Variants in AMY2B observed in about 807,000 individuals in gnomAD.
AMY2B encodes the protein amylase alpha 2B, also known as alpha-amylase 2B.
AMY2B carries 63 observed loss-of-function variants against 59.3 expected under a neutral mutation model. The observed-to-expected ratio is 1.06, with a 90% CI of 0.87 to 1.31. The LOEUF (loss-of-function observed/expected upper bound fraction) is 1.31. Ranked by LOEUF, AMY2B falls within the 50% of genes most tolerant of loss-of-function variation. The pLI, the probability that AMY2B is intolerant of heterozygous loss-of-function variation, is 0.00. For synonymous variants in AMY2B, 180 were observed against 198.1 expected, an observed-to-expected ratio of 0.91 and a Z score of 0.77; for missense variants, 635 against 626.7, an observed-to-expected ratio of 1.01 and a Z score of -0.14.
At chr1:103,559,391 C>T (rs1651661846) in intron 1 of AMY2B, among the ~76,000 whole-genome samples, 1 of 152,120 alleles carries the variant, frequency 6.6e-6, no homozygotes, top group African/African-American at 2.4e-5. Flanking sequence ...ATGACATTTG[C>T]ACAGTGGCTT....
chr1:103,573,004 A>G lies in AMY2B; in HGVS notation c.316-59A>G. On this transcript the variant is annotated intron_variant, in intron 2 of 9. Transcript: ENST00000684275. Reference sequence around the variant, plus strand: ...TAACATACTATAAACTTGAATCAATAATGCTTTAAATTTCTGCCTCTCTGT... The same window carrying G: ...TAACATACTATAAACTTGAATCAATGATGCTTTAAATTTCTGCCTCTCTGT... 1.9e-6 allele frequency: 3 copies of G among 1,611,382 alleles called. No homozygotes were observed. In the South Asian group the frequency reaches 3.3e-5, roughly 18 times the overall value.
upstream of AMY2B, chr1:103,571,519 C>A (rs1284360369): frequency 6.3e-7 from 1 of 1,579,866 alleles, no homozygotes; most frequent in Non-Finnish European, 8.6e-7. Flanking sequence ...AGTATTTATT[C>A]ATGCTAATAT....
chr1:103,571,444 T>G, upstream of AMY2B: 2 of 1,440,084 alleles, frequency 1.4e-6, no homozygotes, highest in South Asian at 2.8e-5. Flanking sequence ...CTTTTTAATG[T>G]TCTTCTCCTG....
chr1:103,570,443 G>C, upstream of AMY2B: 1 of 816,670 alleles, frequency 1.2e-6, no homozygotes, highest in Non-Finnish European at 2.1e-6. Context: ...CCAACACGGT[G>C]CTATCTGGTG....
At chr1:103,567,704 A>G (rs1651957466), upstream of AMY2B, among the ~76,000 whole-genome samples, 1 of 152,112 alleles carries the variant, frequency 6.6e-6, no homozygotes, top group South Asian at 2.1e-4. Context: ...TCAGTTCCCC[A>G]TGTCACAGCC....
At chr1:103,568,335 A>G (rs535093899), upstream of AMY2B, 1 of 152,270 alleles carries the variant, frequency 6.6e-6, no homozygotes, top group Admixed American at 6.5e-5. Context: ...AAATTACACA[A>G]ATTTATTTAT....
chr1:103,563,004 G>T (rs1422808341), intron 1 of AMY2B, among the ~76,000 whole-genome samples: 1 of 151,936 alleles, frequency 6.6e-6, no homozygotes, highest in Non-Finnish European at 1.5e-5. Context: ...TTATATTATG[G>T]ATGTCAAAAT....
At position 103,574,381 on chromosome 1, in the gene AMY2B, T is replaced by C. The variant is rs1652261924; in HGVS notation, c.866T>C (p.Met289Thr). ...TVIRKWNGEK[M>T]SYLKNWGEGW... Reference sequence around the variant, plus strand: ...ATTCGCAAGTGGAATGGAGAGAAGATGTCTTACCTAAAGTAAATAAATACA... The same window carrying C: ...ATTCGCAAGTGGAATGGAGAGAAGACGTCTTACCTAAAGTAAATAAATACA... The change falls in exon 5 of 10, where the codon ATG (methionine) becomes ACG (threonine). Residue 289 changes from methionine (M) to threonine (T), a missense_variant. Transcript: ENST00000684275. 6.2e-7 allele frequency: 1 copy of C among 1,611,604 alleles called. No individual in the cohort carries two copies. The highest frequency in any genetic ancestry group is 8.5e-7 in the Non-Finnish European group (1 of 1,179,664).
At chr1:103,578,572 C>T (rs1009836441) in intron 9 of AMY2B, among the ~76,000 whole-genome samples, 3 of 152,108 alleles carry the variant, frequency 2.0e-5, no homozygotes, top group African/African-American at 7.2e-5. Context: ...AATTATATTT[C>T]ACTGATGAAA....
chr1:103,572,106 G>A lies in AMY2B; in HGVS notation c.169-4G>A. The stretch of plus-strand genomic sequence containing the variant: ...GGTAGTTATGAAGACTGTTTAATTT[G>A]TAGGTCTCTCCACCAAATGAAAATG... On this transcript the variant is annotated splice_polypyrimidine_tract_variant and splice_region_variant and intron_variant, in intron 1 of 9. Transcript: ENST00000684275. 1.2e-6 allele frequency: 2 copies of A among 1,611,568 alleles called. No homozygotes were observed. The highest frequency in any genetic ancestry group is 1.7e-5 in the Admixed American group (1 of 59,998).
At chr1:103,571,959 C>A in intron 1 of AMY2B, 151 bp from the exon 2 acceptor site, 1 of 1,532,790 alleles carries the variant, frequency 6.5e-7, no homozygotes, top group Non-Finnish European at 8.8e-7. Context: ...AATCTTTCTT[C>A]AACAAGAGCC....
intron 1 of AMY2B, among the ~76,000 whole-genome samples, chr1:103,558,762 GA>G (rs781030633): frequency 0.06 from 4,411 of 74,092 alleles, 63 homozygotes; most frequent in Middle Eastern, 0.1. Context: ...GACCCCAACT[GA>G]AAAAAAAAAA....
chr1:103,563,739 G>T (rs1193656522), intron 1 of AMY2B, among the ~76,000 whole-genome samples: 1 of 151,938 alleles, frequency 6.6e-6, no homozygotes, highest in Non-Finnish European at 1.5e-5. Flanking sequence ...GAAAAATGCT[G>T]ATTTGCTATT....
chr1:103,577,362 C>T, intron 7 of AMY2B, 128 bp from the exon 8 acceptor site: 1 of 1,520,456 alleles, frequency 6.6e-7, no homozygotes, highest in East Asian at 2.3e-5. Context: ...TTATTGAAGG[C>T]ATTGGATTCT....
At position 103,574,411 on chromosome 1, in the gene AMY2B, T is replaced by C. The variant is rs1350198014; in HGVS notation, c.878+18T>C. 5 of 1,610,530 alleles carry C rather than the reference T, an allele frequency of 3.1e-6. No individual in the cohort carries two copies. In the African/African-American group the frequency reaches 6.7e-5, roughly 22 times the overall value. On this transcript the variant is annotated intron_variant, in intron 5 of 9. Transcript: ENST00000684275. ...TACCTAAAGTAAATAAATACAACTTTTCCCCTGAAGTATTTCATAGATTTA... is the reference window on the plus strand; with the variant it reads ...TACCTAAAGTAAATAAATACAACTTCTCCCCTGAAGTATTTCATAGATTTA...
At chr1:103,571,062 G>A (rs1652111216), upstream of AMY2B, 2 of 580,478 alleles carry the variant, frequency 3.4e-6, no homozygotes, top group Non-Finnish European at 4.6e-6. Flanking sequence ...TTTGTCTACA[G>A]GCTGGTAAGG....
chr1:103,575,819 A>T (rs566446448), intron 7 of AMY2B: 279 of 353,252 alleles, frequency 7.9e-4, no homozygotes, highest in African/African-American at 5.6e-3. Flanking sequence ...AGGCACAGGG[A>T]TTAAAATATA....
chr1:103,570,425 C>T (rs1005548624), upstream of AMY2B: 5 of 876,354 alleles, frequency 5.7e-6, no homozygotes, highest in Admixed American at 8.9e-5. Context: ...TCCGCAAAGA[C>T]CTGTAGGCCA....
intron 1 of AMY2B, among the ~76,000 whole-genome samples, chr1:103,561,569 G>C (rs1230473101): frequency 1.3e-5 from 2 of 151,708 alleles, no homozygotes; most frequent in Non-Finnish European, 2.9e-5. Flanking sequence ...ATGCCAATCG[G>C]GTCTTTAAGG....
Sources: gnomAD v4.1 joint callset for allele counts (sites outside exome capture counted in the v4.1 genomes callset) on GRCh38, gnomAD v4.1.1 for gene constraint, MANE v1.5 for transcripts, NCBI Gene and HGNC (gene_info 2026-07-23, HGNC 2026-07-21) for gene names.